Variants in RPS20 observed in about 807,000 individuals in gnomAD.
RPS20 encodes the protein small ribosomal subunit protein uS10.
Under a neutral mutation model 15.3 loss-of-function variants are expected in RPS20, and 3 were observed. That is an observed-to-expected ratio of 0.20 (90% CI 0.09 to 0.51). The LOEUF (loss-of-function observed/expected upper bound fraction) is 0.51. Among genes scored for constraint, RPS20 ranks in the 20% least tolerant of loss-of-function variants. The probability of loss-of-function intolerance (pLI) is 0.96; values close to 1 mark genes in which losing one functional copy is unlikely to be tolerated. For missense variants in RPS20, 67 were observed against 145.9 expected (o/e 0.46, Z 2.79); for synonymous variants, 62 against 47.8 (o/e 1.30, Z -1.23).
chr8:56,072,446 G>C (rs1337982741), downstream of RPS20, among the ~76,000 whole-genome samples: 2 of 151,230 alleles, frequency 1.3e-5, no homozygotes, highest in Non-Finnish European at 2.9e-5. Flanking sequence ...CAACTACTTG[G>C]GAGGCTGAGG....
chr8:56,073,495 C>T (rs2129213209), intron 3 of RPS20, 200 bp downstream of exon 3: 1 of 643,558 alleles, frequency 1.6e-6, no homozygotes, highest in South Asian at 1.8e-5. Flanking sequence ...CAAAGCACAC[C>T]AAGAACACAG....
In RPS20 at chr8:56,073,686, T is replaced by G; in HGVS notation, c.177+9A>C. The G allele has an allele frequency of 6.2e-7, 1 of 1,611,918 alleles. No homozygotes were observed. The highest frequency in any genetic ancestry group is 8.5e-7 in the Non-Finnish European group (1 of 1,178,376). On this transcript the variant is annotated intron_variant, in intron 3 of 3. Transcript: ENST00000009589. The stretch of plus-strand genomic sequence containing the variant: ...AACTCCTACTTCCTGCCCCTCCGAT[T>G]TACTTTACCTTGGTAGGCATTCGAA...
At chr8:56,074,291 C>T (rs937848197) in intron 1 of RPS20, 90 bp downstream of exon 1, 7 of 1,529,920 alleles carry the variant, frequency 4.6e-6, no homozygotes, top group Non-Finnish European at 5.3e-6. Context: ...CACGCCCCGG[C>T]ATCTGCCCTC....
downstream of RPS20, among the ~76,000 whole-genome samples, chr8:56,071,244 T>C (rs138524632): frequency 5.1e-4 from 77 of 152,336 alleles, no homozygotes; most frequent in East Asian, 0.014. Context: ...CTCTGGACTT[T>C]AGTGACATTT....
Position 56,074,498 on chromosome 8 carries a change from C to T in RPS20, c.-115G>A, listed in dbSNP as rs1478754301. ...CCTCAGCCCTTACGACCGCGTCTTC[C>T]TCAAAAAGAAAGGGGTGGGACTTGA... is the stretch of plus-strand genomic sequence containing the variant. On this transcript the variant is annotated 5_prime_UTR_variant, in exon 1 of 4. Transcript: ENST00000009589. The T allele has an allele frequency of 1.8e-5, 22 of 1,203,468 alleles. No homozygotes were observed. The highest frequency in any genetic ancestry group is 1.4e-5 in the South Asian group (1 of 72,444). The allele number at this position is 1,203,468 out of a possible 1,614,324, so 74.5% of individuals were successfully genotyped here.
chr8:56,073,885 G>A, intron 2 of RPS20, 117 bp from the exon 3 acceptor site: 1 of 1,115,328 alleles, frequency 9.0e-7, no homozygotes, highest in Non-Finnish European at 1.4e-6. Context: ...AACACAATAG[G>A]TACCTCCTCA....
intron 3 of RPS20, 159 bp from the exon 4 acceptor site, chr8:56,073,431 G>A (rs1809826129): frequency 9.1e-6 from 6 of 658,822 alleles, no homozygotes; most frequent in Non-Finnish European, 1.6e-5. Context: ...AAAATGCCAG[G>A]TCTGTTTTCA....
downstream of RPS20, among the ~76,000 whole-genome samples, chr8:56,072,407 C>CG (rs1314274907): frequency 6.6e-6 from 1 of 151,404 alleles, no homozygotes; most frequent in Admixed American, 6.6e-5. Flanking sequence ...AAAAAATTAA[C>CG]CAGGCTTGGT....
chr8:56,074,017 T>G lies in RPS20; in HGVS notation c.103+43A>C, dbSNP rs374160590. On this transcript the variant is annotated intron_variant, in intron 2 of 3. Coordinates refer to ENST00000009589, the MANE Select transcript of RPS20 (RefSeq NM_001023.4). ...CATTAACGAGTAAAGCTCGTCGCTT[T>G]TCGCCCAATTCCCCCTCCCCCCCGC... 5.1e-5 allele frequency: 75 copies of G among 1,470,734 alleles called. No homozygotes were observed. Among genetic ancestry groups the G allele is most frequent in the Admixed American group, 1.5e-4 (9 of 59,822 alleles). The allele number at this position is 1,470,734 out of a possible 1,614,324, so 91.1% of individuals were successfully genotyped here.
At position 56,074,480 on chromosome 8, in the gene RPS20, C is replaced by CGTAA; in HGVS notation, c.-98_-97insTTAC. ...AGCGTGCGGACCAAAAATCCTCAGC[C>CGTAA]CTTACGACCGCGTCTTCCTCAAAAA... is the stretch of plus-strand genomic sequence containing the variant. On this transcript the variant is annotated 5_prime_UTR_variant, in exon 1 of 4. Transcript: ENST00000009589. The CGTAA allele has an allele frequency of 7.4e-7, 1 of 1,351,676 alleles. No homozygotes were observed. 83.7% of individuals were successfully genotyped at this position (1,351,676 alleles called of 1,614,324 possible).
At chr8:56,068,805 ATC>A (rs1809677952), downstream of RPS20, among the ~76,000 whole-genome samples, 3 of 41,534 alleles carry the variant, frequency 7.2e-5, no homozygotes, top group South Asian at 8.9e-4. Context: ...TGGTGAAAAT[ATC>A]TTTTTTTTTT....
Position 56,074,496 on chromosome 8 carries a change from T to C in RPS20, c.-113A>G. 8.2e-7 allele frequency: 1 copy of C among 1,218,394 alleles called. No individual in the cohort carries two copies. The highest frequency in any genetic ancestry group is 1.1e-6 in the Non-Finnish European group (1 of 876,544). The allele number at this position is 1,218,394 out of a possible 1,614,324, so 75.5% of individuals were successfully genotyped here. On this transcript the variant is annotated 5_prime_UTR_variant, in exon 1 of 4. Coordinates refer to ENST00000009589, the MANE Select transcript of RPS20 (RefSeq NM_001023.4). ...ATCCTCAGCCCTTACGACCGCGTCT[T>C]CCTCAAAAAGAAAGGGGTGGGACTT...
chr8:56,069,650 A>G (rs1809699810), downstream of RPS20: 3 of 1,170,180 alleles, frequency 2.6e-6, no homozygotes, highest in Non-Finnish European at 3.7e-6. Flanking sequence ...CCACTGAAGT[A>G]CAATTAAACA....
chr8:56,069,359 G>A (rs375843255), downstream of RPS20, among the ~76,000 whole-genome samples: 30 of 151,790 alleles, frequency 2.0e-4, no homozygotes, highest in African/African-American at 5.3e-4. Flanking sequence ...CACTATACTC[G>A]ACAATCTCAA....
chr8:56,071,316 C>G (rs1404104083), downstream of RPS20, among the ~76,000 whole-genome samples: 1 of 152,200 alleles, frequency 6.6e-6, no homozygotes, highest in African/African-American at 2.4e-5. Context: ...GACTGCTATG[C>G]TGCACTAAAA....
chr8:56,072,762 G>A, downstream of RPS20: 2 of 526,468 alleles, frequency 3.8e-6, no homozygotes, highest in Non-Finnish European at 4.9e-6. Flanking sequence ...AGCGCACTAG[G>A]TTCTCAACCA....
chr8:56,070,915 G>A (rs1288440366), downstream of RPS20, among the ~76,000 whole-genome samples: 1 of 151,928 alleles, frequency 6.6e-6, no homozygotes, highest in African/African-American at 2.4e-5. Flanking sequence ...CATACAAGAT[G>A]GCCTGTTAAC....
rs532258451 is a variant in RPS20 at position 56,073,082 on chromosome 8, T to G, written c.*8A>C. The G allele has an allele frequency of 1.9e-6, 3 of 1,590,104 alleles. No individual in the cohort carries two copies. The highest frequency in any genetic ancestry group is 3.5e-5 in the Admixed American group (2 of 57,934). ...ACAACTGGTCATCAATTTATTAAAA[T>G]AGTTGACTTAAGCATCTGCAATGGT... On this transcript the variant is annotated 3_prime_UTR_variant, in exon 4 of 4. Transcript: ENST00000009589.
downstream of RPS20, chr8:56,069,612 CT>C: frequency 3.2e-6 from 3 of 943,458 alleles, no homozygotes; most frequent in Non-Finnish European, 5.0e-6. Flanking sequence ...GTTCCTCTTA[CT>C]TTCAAAAGAT....
Sources: gnomAD v4.1 joint callset for allele counts (sites outside exome capture counted in the v4.1 genomes callset) on GRCh38, gnomAD v4.1.1 for gene constraint, MANE v1.5 for transcripts, NCBI Gene and HGNC (gene_info 2026-07-23, HGNC 2026-07-21) for gene names.